PDE4D: variants seen among roughly 807,000 people sequenced by gnomAD.
PDE4D encodes the protein phosphodiesterase 4D.
A neutral mutation model predicts 87.4 loss-of-function variants in PDE4D; 24 were observed. That is an observed-to-expected ratio of 0.27 (90% confidence interval 0.20 to 0.39). The LOEUF (loss-of-function observed/expected upper bound fraction) is 0.39, where lower values mean the gene tolerates loss of function less well. PDE4D is among the 10% of genes least tolerant of loss of function. The pLI is 1.00. For missense variants in PDE4D, 714 were observed against 1,041.0 expected (o/e 0.69, Z 4.32); for synonymous variants, 384 against 383.2 (o/e 1.00, Z -0.02).
chr5:60,140,627 G>A (rs948134883), intron 2 of PDE4D, among the ~76,000 whole-genome samples: 1 of 150,286 alleles, frequency 6.7e-6, no homozygotes, highest in Non-Finnish European at 1.5e-5. Context: ...GGAATTGAAA[G>A]ATTAGATGAA....
intron 1 of PDE4D, among the ~76,000 whole-genome samples, chr5:59,877,866 A>G (rs1748849976): frequency 6.6e-6 from 1 of 152,172 alleles, no homozygotes; most frequent in African/African-American, 2.4e-5. Flanking sequence ...GGTTTTAAAG[A>G]TAAAGCAAAA....
chr5:59,731,539 T>C (rs1757358044), intron 1 of PDE4D, among the ~76,000 whole-genome samples: 1 of 149,704 alleles, frequency 6.7e-6, no homozygotes, highest in Admixed American at 6.7e-5. Context: ...TAGTTTTCTA[T>C]TGCTTATAGC....
At chr5:59,964,515 ACTCCTAGGCTCT>A (rs1414557283) in intron 3 of PDE4D, among the ~76,000 whole-genome samples, 1 of 151,438 alleles carries the variant, frequency 6.6e-6, no homozygotes, top group Non-Finnish European at 1.5e-5. Context: ...GTCCACATCT[ACTCCTAGGCTCT>A]CTTCTCTACT....
At chr5:58,996,647 T>C (rs1384750812) in intron 6 of PDE4D, among the ~76,000 whole-genome samples, 1 of 152,212 alleles carries the variant, frequency 6.6e-6, no homozygotes, top group East Asian at 1.9e-4. Context: ...CACAGGTTTA[T>C]CTTCTAACTT....
intron 1 of PDE4D, among the ~76,000 whole-genome samples, chr5:59,336,551 AG>A (rs1316863396): frequency 6.6e-6 from 1 of 152,188 alleles, no homozygotes; most frequent in Non-Finnish European, 1.5e-5. Flanking sequence ...TTCAAACTTT[AG>A]CTTATTGACT....
intron 1 of PDE4D, among the ~76,000 whole-genome samples, chr5:59,810,593 G>GTTCT (rs1768238500): frequency 6.6e-6 from 1 of 152,078 alleles, no homozygotes; most frequent in Admixed American, 6.5e-5. Flanking sequence ...CAGAACCTTG[G>GTTCT]ACCATGCATT....
rs146578861 is a variant in PDE4D at position 59,770,729 on chromosome 5, A to G, written c.455+122439T>C. On this transcript the variant is annotated intron_variant, in intron 1 of 14. Transcript: ENST00000340635. ...ATGTATTAAACTGAAATGGCAAAAA[A>G]AAATATTTTAGAAAAAATCTCTAGT... is the stretch of plus-strand genomic sequence containing the variant. Among the ~76,000 whole-genome samples the G allele has an allele frequency of 1.8e-3, 276 of 152,300 alleles. 1 individual carries two copies. The highest frequency in any genetic ancestry group is 6.0e-3 in the African/African-American group (250 of 41,560).
At chr5:59,931,106 A>G (rs1018844660) in intron 3 of PDE4D, among the ~76,000 whole-genome samples, 32 of 152,222 alleles carry the variant, frequency 2.1e-4, no homozygotes, top group African/African-American at 7.2e-4. Context: ...CAATGTTGGG[A>G]CAATATGAAT....
intron 1 of PDE4D, among the ~76,000 whole-genome samples, chr5:59,380,403 AAAAG>A (rs1162864336): frequency 2.0e-5 from 3 of 150,164 alleles, no homozygotes; most frequent in African/African-American, 4.9e-5. Flanking sequence ...AAAAAAAAAA[AAAAG>A]AGAGAGAAAG....
intron 1 of PDE4D, among the ~76,000 whole-genome samples, chr5:59,748,552 C>CA (rs1312487576): frequency 1.4e-5 from 2 of 147,636 alleles, no homozygotes; most frequent in East Asian, 2.0e-4. Context: ...ATCGCAAGGA[C>CA]AAAAAACCAA....
chr5:59,661,098 T>TA (rs1554055015), intron 1 of PDE4D, among the ~76,000 whole-genome samples: 1 of 101,126 alleles, frequency 9.9e-6, no homozygotes, highest in African/African-American at 4.2e-5. Flanking sequence ...ATATATATAT[T>TA]TTGTCATCTA....
At chr5:59,118,870 G>A (rs192008421) in intron 5 of PDE4D, among the ~76,000 whole-genome samples, 77 of 152,242 alleles carry the variant, frequency 5.1e-4, no homozygotes, top group Non-Finnish European at 9.3e-4. Flanking sequence ...TAAAACTTAG[G>A]CCAGAGGACT....
chr5:60,301,494 G>A (rs1433452185), intron 1 of PDE4D, among the ~76,000 whole-genome samples: 1 of 152,120 alleles, frequency 6.6e-6, no homozygotes, highest in Non-Finnish European at 1.5e-5. Flanking sequence ...GTTCATTCAT[G>A]ATTTGGCTCT....
intron 6 of PDE4D, among the ~76,000 whole-genome samples, chr5:59,034,467 C>A (rs1334439389): frequency 6.6e-6 from 1 of 152,116 alleles, no homozygotes; most frequent in Non-Finnish European, 1.5e-5. Context: ...GTGGAAATAT[C>A]TTAAGATTTA....
intron 3 of PDE4D, among the ~76,000 whole-genome samples, chr5:59,912,565 T>A (rs1161483911): frequency 6.6e-6 from 1 of 152,240 alleles, no homozygotes; most frequent in Non-Finnish European, 1.5e-5. Context: ...CAGTTAATTT[T>A]GTGTTTTTTT....
At chr5:60,487,515 TG>T (rs373603874) in intron 1 of PDE4D, among the ~76,000 whole-genome samples, 183 of 152,338 alleles carry the variant, frequency 1.2e-3, no homozygotes, top group African/African-American at 4.1e-3. Flanking sequence ...TGTGTACCCC[TG>T]TCCCCAAAGC....
intron 1 of PDE4D, among the ~76,000 whole-genome samples, chr5:59,387,563 C>T (rs1178842474): frequency 1.3e-5 from 2 of 151,938 alleles, no homozygotes; most frequent in African/African-American, 4.8e-5. Context: ...GTTAGGGTGG[C>T]GTATGGTTAG....
chr5:60,143,941 G>T (rs574657833), intron 2 of PDE4D, among the ~76,000 whole-genome samples: 2 of 152,260 alleles, frequency 1.3e-5, no homozygotes, highest in African/African-American at 4.8e-5. Flanking sequence ...AAGATGTGAA[G>T]CAGGCTGACT....
chr5:59,003,002 T>G (rs577227009), intron 6 of PDE4D, among the ~76,000 whole-genome samples: 8 of 152,220 alleles, frequency 5.3e-5, no homozygotes, highest in Non-Finnish European at 1.0e-4. Context: ...TATACTAATA[T>G]TTAAAAAAAT....
Sources: allele counts gnomAD v4.1 joint callset (sites outside exome capture counted in the v4.1 genomes callset), GRCh38; gene constraint gnomAD v4.1.1; transcripts MANE v1.5; gene names NCBI Gene and HGNC (gene_info 2026-07-23, HGNC 2026-07-21).